HDAC10: variants seen among roughly 807,000 people sequenced by gnomAD.
HDAC10 encodes the protein polyamine deacetylase HDAC10.
A neutral mutation model predicts 82.3 loss-of-function variants in HDAC10; 90 were observed. The ratio of observed to expected loss-of-function variants is 1.09; its 90% CI spans 0.92 to 1.30. The LOEUF (loss-of-function observed/expected upper bound fraction) is 1.30. HDAC10 is among the 50% of genes most tolerant of loss of function. HDAC10 has a pLI of 0.00. For synonymous variants in HDAC10, 456 were observed against 391.7 expected (o/e 1.16, Z -1.94); for missense variants, 934 against 876.3 (o/e 1.07, Z -0.83).
At position 50,249,831 on chromosome 22, in the gene HDAC10, C is replaced by A. The variant is rs2065043509; in HGVS notation, c.494+29G>T. On this transcript the variant is annotated intron_variant, in intron 5 of 19. Coordinates refer to ENST00000216271, the MANE Select transcript of HDAC10 (RefSeq NM_032019.6). This position sits in a 1 kb window ranked among gnomAD's most constrained non-coding sequence, Gnocchi z 4.4. ...TGCCCCTTGCTGTGTGGCCTGGGCC[C>A]ACCCCCCTGCAGCCAGCCTGGCACA... is the stretch of plus-strand genomic sequence containing the variant. 6.2e-7 allele frequency: 1 copy of A among 1,606,550 alleles called. No individual in the cohort carries two copies.
At chr22:50,247,460 C>T (rs1422894679) in intron 14 of HDAC10, 7 of 478,412 alleles carry the variant, frequency 1.5e-5, no homozygotes, top group Non-Finnish European at 2.6e-5. Context: ...TCACCCCCTT[C>T]ACCTCTCTGC....
chr22:50,251,101 C>T lies in HDAC10; in HGVS notation c.-69G>A, dbSNP rs1298490645. ...TGGTGCCTGCCACTGCCTGTCCCCA[C>T]CTTCGGCCGGGAGCAGCCGGAGGCC... On this transcript the variant is annotated 5_prime_UTR_variant, in exon 1 of 20. In the 5' UTR this introduces an upstream ATG that the reference lacks. Coordinates refer to ENST00000216271, the MANE Select transcript of HDAC10 (RefSeq NM_032019.6). 22 of 1,512,060 alleles carry T rather than the reference C, an allele frequency of 1.5e-5. No homozygotes were observed. Among genetic ancestry groups the T allele is most frequent in the Non-Finnish European group, 2.0e-5 (22 of 1,109,486 alleles). 93.7% of individuals were successfully genotyped at this position (1,512,060 alleles called of 1,614,324 possible).
At position 50,249,243 on chromosome 22, in the gene HDAC10, C is replaced by G. The variant is rs539520565; in HGVS notation, c.691-75G>C. 477 of 1,235,242 alleles carry G rather than the reference C, an allele frequency of 3.9e-4. 5 individuals carry two copies. In the African/African-American group the frequency reaches 6.9e-3, roughly 18 times the overall value. The allele number at this position is 1,235,242 out of a possible 1,614,324, so 76.5% of individuals were successfully genotyped here. A position where few individuals can be genotyped will look rare whatever the true frequency, so the allele number is the denominator to read the frequency against. On this transcript the variant is annotated intron_variant, in intron 7 of 19. Coordinates refer to ENST00000216271, the MANE Select transcript of HDAC10 (RefSeq NM_032019.6). The surrounding 1 kb of genome is among the most constrained non-coding windows in gnomAD (Gnocchi z 4.4). ...CCCGGGGGAGGGGGTGGGTGGGGAC[C>G]TGGGGCTTGAGGGTGAACTGTGGGG...
rs752879608 is a variant in HDAC10, at chr22:50,251,041, C to T, written c.-9G>A. 4 of 1,608,112 alleles carry T rather than the reference C, an allele frequency of 2.5e-6. No individual in the cohort carries two copies. In the African/African-American group the frequency reaches 4.0e-5, roughly 16 times the overall value. On this transcript the variant is annotated 5_prime_UTR_variant, in exon 1 of 20. Coordinates refer to ENST00000216271, the MANE Select transcript of HDAC10 (RefSeq NM_032019.6). Reference sequence around the variant, plus strand: ...ACAAGCGCGGTCCCCATGGCTGCGCCGTGGTCACCCTGGGTTCCCAAACGC... The same window carrying T: ...ACAAGCGCGGTCCCCATGGCTGCGCTGTGGTCACCCTGGGTTCCCAAACGC...
chr22:50,249,796 C>T lies in HDAC10; in HGVS notation c.494+64G>A, dbSNP rs2065041926. The T allele has an allele frequency of 1.2e-6, 2 of 1,601,868 alleles. No homozygotes were observed. The highest frequency in any genetic ancestry group is 2.2e-5 in the South Asian group (2 of 90,548). On this transcript the variant is annotated intron_variant, in intron 5 of 19. Coordinates refer to ENST00000216271, the MANE Select transcript of HDAC10 (RefSeq NM_032019.6). This position sits in a 1 kb window ranked among gnomAD's most constrained non-coding sequence, Gnocchi z 4.4. ...GGAAGGTGCTGGCTGGGTTCTCTCG[C>T]CTCCTGCGCTGCCCCTTGCTGTGTG...
At position 50,248,477 on chromosome 22, in the gene HDAC10, G is replaced by A. The variant is rs760123141; in HGVS notation, c.907-5C>T. On this transcript the variant is annotated splice_polypyrimidine_tract_variant and splice_region_variant and intron_variant, in intron 10 of 19. Coordinates refer to ENST00000216271, the MANE Select transcript of HDAC10 (RefSeq NM_032019.6). This position sits in a 1 kb window ranked among gnomAD's most constrained non-coding sequence, Gnocchi z 5.4. ...TGACTCCAGGTGGTAGCCGCCCTGG[G>A]AGGAGGGTGGAGACATGATTGGGGC... The A allele has an allele frequency of 1.2e-6, 2 of 1,602,706 alleles. No individual in the cohort carries two copies. The highest frequency in any genetic ancestry group is 3.4e-5 in the Admixed American group (2 of 59,560).
chr22:50,250,678 G>A lies in HDAC10; in HGVS notation c.194+93C>T, dbSNP rs1318243154. The A allele has an allele frequency of 3.6e-6, 5 of 1,398,032 alleles. No homozygotes were observed. In the African/African-American group the frequency reaches 4.3e-5, roughly 12 times the overall value. 86.6% of individuals were successfully genotyped at this position (1,398,032 alleles called of 1,614,324 possible). A position where few individuals can be genotyped will look rare whatever the true frequency, so the allele number is the denominator to read the frequency against. ...GTGCATAGGGAGAGGCTCTGTATTC[G>A]AGGCTGGCAGGCTCGGGGTAGGCCC... On this transcript the variant is annotated intron_variant, in intron 2 of 19. Transcript: ENST00000216271.
At position 50,247,878 on chromosome 22, in the gene HDAC10, A is replaced by G. The variant is rs758512735; in HGVS notation, c.1337+12T>C. 3 of 1,612,628 alleles carry G rather than the reference A, an allele frequency of 1.9e-6. No individual in the cohort carries two copies. The South Asian group carries it at 3.3e-5, about 18-fold the overall frequency. Reference sequence around the variant, plus strand: ...GCGGCCCCATCCTTCTCCCCAGGCCAGCCCTGCCCACCTGGCCCAGGCTTC... The same window carrying G: ...GCGGCCCCATCCTTCTCCCCAGGCCGGCCCTGCCCACCTGGCCCAGGCTTC... On this transcript the variant is annotated intron_variant, in intron 13 of 19. Transcript: ENST00000216271.
chr22:50,249,195 T>C lies in HDAC10; in HGVS notation c.691-27A>G. On this transcript the variant is annotated intron_variant, in intron 7 of 19. Coordinates refer to ENST00000216271, the MANE Select transcript of HDAC10 (RefSeq NM_032019.6). The surrounding 1 kb of genome is among the most constrained non-coding windows in gnomAD (Gnocchi z 4.4). ...TGGCAGGACATCCCAGGCTACATCC[T>C]GAACTGTGGGGCAGGGGAGGGGCCC... is the stretch of plus-strand genomic sequence containing the variant. The C allele has an allele frequency of 7.2e-7, 1 of 1,394,854 alleles. No homozygotes were observed. The highest frequency in any genetic ancestry group is 9.8e-7 in the Non-Finnish European group (1 of 1,019,842). 86.4% of individuals were successfully genotyped at this position (1,394,854 alleles called of 1,614,324 possible).
chr22:50,250,318 C>T (rs2065056214), intron 3 of HDAC10, 109 bp downstream of exon 3: 3 of 1,247,448 alleles, frequency 2.4e-6, no homozygotes, highest in Non-Finnish European at 3.5e-6. Context: ...AGGGCAATGT[C>T]ATGTGTATGG....
chr22:50,246,493 A>G lies in HDAC10; in HGVS notation c.1572-117T>C, dbSNP rs1205228493. The G allele has an allele frequency of 6.6e-6, 7 of 1,061,492 alleles. No individual in the cohort carries two copies. In the African/African-American group the frequency reaches 7.7e-5, roughly 12 times the overall value. 65.8% of individuals were successfully genotyped at this position (1,061,492 alleles called of 1,614,324 possible). A position where few individuals can be genotyped will look rare whatever the true frequency, so the allele number is the denominator to read the frequency against. On this transcript the variant is annotated intron_variant, in intron 16 of 19. Transcript: ENST00000216271. ...ATGGGCAGGGGTGCTGTGACTGCTGAGCCTCTGTGCTGGAGACCCACCTGG... is the reference window on the plus strand; with the variant it reads ...ATGGGCAGGGGTGCTGTGACTGCTGGGCCTCTGTGCTGGAGACCCACCTGG...
chr22:50,248,835 G>C lies in HDAC10; in HGVS notation c.812C>G (p.Pro271Arg). Residue 271 changes from proline (P) to arginine (R), a missense_variant, in exon 9 of 20, where the codon CCT (proline) becomes CGT (arginine). Transcript: ENST00000216271. This position sits in a 1 kb window ranked among gnomAD's most constrained non-coding sequence, Gnocchi z 5.4. Reference protein sequence around the residue: ...SAGFDSAIGDPEGQMQATPEC... With the variant: ...SAGFDSAIGDREGQMQATPEC... ...CTGGCAAGGCAAGGCCCTCACCTCA[G>C]GGTCCCCGATGGCTGAGTCAAATCC... 1 of 1,610,942 alleles carries C rather than the reference G, an allele frequency of 6.2e-7. No homozygotes were observed. The highest frequency in any genetic ancestry group is 1.1e-5 in the South Asian group (1 of 90,518).
Position 50,248,250 on chromosome 22 carries a change from C to G in HDAC10, c.1056G>C (p.Pro352=), listed in dbSNP as rs79969721. ...SIQSARAAQA[P]HWKSLQQQDV... ...CTTGCTGCTGGAGGCTCTTCCAGTG[C>G]GGGGCCTGGGCAGCACGGGCACTCT... The change falls in exon 12 of 20, where the codon CCG becomes CCC. Residue 352 remains proline, a synonymous_variant. Transcript: ENST00000216271. This position sits in a 1 kb window ranked among gnomAD's most constrained non-coding sequence, Gnocchi z 5.4. 1 of 1,612,196 alleles carries G rather than the reference C, an allele frequency of 6.2e-7. No homozygotes were observed. The highest frequency in any genetic ancestry group is 8.5e-7 in the Non-Finnish European group (1 of 1,179,878).
At chr22:50,250,259 G>T in intron 3 of HDAC10, 99 bp from the exon 4 acceptor site, 1 of 1,291,330 alleles carries the variant, frequency 7.7e-7, no homozygotes, top group Non-Finnish European at 1.1e-6. Context: ...CAGCTGCTGA[G>T]CAGAACAGGC....
chr22:50,249,271 G>A lies in HDAC10; in HGVS notation c.690+57C>T. 3.4e-6 allele frequency: 5 copies of A among 1,475,534 alleles called. No individual in the cohort carries two copies. In the South Asian group the frequency reaches 6.5e-5, roughly 19 times the overall value. 91.4% of individuals were successfully genotyped at this position (1,475,534 alleles called of 1,614,324 possible). A position where few individuals can be genotyped will look rare whatever the true frequency, so the allele number is the denominator to read the frequency against. On this transcript the variant is annotated intron_variant, in intron 7 of 19. Coordinates refer to ENST00000216271, the MANE Select transcript of HDAC10 (RefSeq NM_032019.6). The surrounding 1 kb of genome is among the most constrained non-coding windows in gnomAD (Gnocchi z 4.4). ...GGGCTTGAGGGTGAACTGTGGGGGA[G>A]GGGAGGGGCCCAGGGGGAGGGGGCT...
Position 50,246,291 on chromosome 22 carries a change from C to A in HDAC10, c.1650+7G>T. On this transcript the variant is annotated splice_region_variant and intron_variant, in intron 17 of 19. Transcript: ENST00000216271. ...CACCTGCCTTGCCGCGTGGCATGGT[C>A]ACTCACCACTGGCAGTGGCGTGGAG... 1.9e-6 allele frequency: 3 copies of A among 1,610,560 alleles called. No individual in the cohort carries two copies. In the South Asian group the frequency reaches 3.3e-5, roughly 18 times the overall value.
rs769076521 is a variant in HDAC10 at position 50,247,982 on chromosome 22, G to A, written c.1245C>T (p.Ala415=). The A allele has an allele frequency of 1.2e-6, 2 of 1,612,856 alleles. No individual in the cohort carries two copies. The highest frequency in any genetic ancestry group is 1.7e-6 in the Non-Finnish European group (2 of 1,179,982). Residue 415 remains alanine (A), a synonymous_variant, in exon 13 of 20, where the codon GCC becomes GCT. Coordinates refer to ENST00000216271, the MANE Select transcript of HDAC10 (RefSeq NM_032019.6). ...CPAPSVRTAV[A]LTTPDITLVL... is the part of the protein sequence containing the mutation. Reference sequence around the variant, plus strand: ...CCAATGTGATATCCGGCGTTGTCAGGGCAACAGCGGTGCGGACAGAGGGTG... The same window carrying A: ...CCAATGTGATATCCGGCGTTGTCAGAGCAACAGCGGTGCGGACAGAGGGTG...
intron 14 of HDAC10, 103 bp from the exon 15 acceptor site, chr22:50,247,069 TC>T (rs1385613956): frequency 8.8e-5 from 57 of 649,586 alleles, no homozygotes; most frequent in Non-Finnish European, 8.0e-6. Flanking sequence ...GCGGCTACTG[TC>T]AGCCACACAT....
At position 50,249,989 on chromosome 22, in the gene HDAC10, G is replaced by T; in HGVS notation, c.390-25C>A. 6.2e-7 allele frequency: 1 copy of T among 1,610,648 alleles called. No homozygotes were observed. The highest frequency in any genetic ancestry group is 8.5e-7 in the Non-Finnish European group (1 of 1,178,046). On this transcript the variant is annotated intron_variant, in intron 4 of 19. Transcript: ENST00000216271. The surrounding 1 kb of genome is among the most constrained non-coding windows in gnomAD (Gnocchi z 4.4). ...CCTACGGCGTGAGAGTAGGATTTGG[G>T]TCACGTCAGGGTCGCCCTGGCCCCT...
Sources: gnomAD v4.1 joint callset for allele counts on GRCh38, gnomAD v4.1.1 for gene constraint, Gnocchi (gnomAD v3.1) non-coding constraint, MANE v1.5 for transcripts, NCBI Gene and HGNC (gene_info 2026-07-23, HGNC 2026-07-21) for gene names.